BCR: variants seen among roughly 807,000 people sequenced by gnomAD.
The protein encoded by BCR is BCR activator of RhoGEF and GTPase.
BCR carries 58 observed loss-of-function variants against 138.6 expected under a neutral mutation model. The ratio of observed to expected loss-of-function variants is 0.42; its 90% CI spans 0.34 to 0.52. The LOEUF (loss-of-function observed/expected upper bound fraction) is 0.52, where lower values mean the gene tolerates loss of function less well. BCR is among the 20% of genes least tolerant of loss of function. The pLI is 0.06. For missense variants in BCR, 1,599 were observed against 1,727.2 expected, an observed-to-expected ratio of 0.93 and a Z score of 1.32; for synonymous variants, 786 against 730.1, an observed-to-expected ratio of 1.08 and a Z score of -1.23.
Position 23,180,719 on chromosome 22 carries a change from C to T in BCR, c.-242C>T, listed in dbSNP as rs530488003. On this transcript the variant is annotated 5_prime_UTR_variant, in exon 1 of 23. Coordinates refer to ENST00000305877, the MANE Select transcript of BCR (RefSeq NM_004327.4). ...CCGCGCCTCGCCGTGCGGAGGAGCC[C>T]CGCACACAATAGCGGCGCGCGCAGC... The T allele has an allele frequency of 4.0e-5, 6 of 149,460 alleles. No homozygotes were observed. Among genetic ancestry groups the T allele is most frequent in the African/African-American group, 1.5e-4 (6 of 40,880 alleles). The allele number at this position is 149,460 out of a possible 1,614,324, so 9.3% of individuals were successfully genotyped here. A position where few individuals can be genotyped will look rare whatever the true frequency, so the allele number is the denominator to read the frequency against.
At chr22:23,182,614 G>C (rs761868737) in intron 1 of BCR, among the ~76,000 whole-genome samples, 5 of 152,226 alleles carry the variant, frequency 3.3e-5, no homozygotes, top group Non-Finnish European at 7.3e-5. Context: ...ATAAAAGCCG[G>C]AGTCATCTCT....
chr22:23,298,647 G>A (rs1166767631), intron 16 of BCR, among the ~76,000 whole-genome samples: 1 of 151,588 alleles, frequency 6.6e-6, no homozygotes, highest in African/African-American at 2.4e-5. Flanking sequence ...CCAGGCTGGA[G>A]TGCAGCGGTG....
At chr22:23,272,981 G>C (rs1195329127) in intron 6 of BCR, 100 bp from the exon 7 acceptor site, 36 of 1,330,546 alleles carry the variant, frequency 2.7e-5, no homozygotes, top group Non-Finnish European at 3.7e-5. Flanking sequence ...TGTGGAGGCT[G>C]GGGCAGCCCC....
chr22:23,255,321 A>G (rs1477702094), intron 2 of BCR, among the ~76,000 whole-genome samples: 3 of 152,152 alleles, frequency 2.0e-5, no homozygotes, highest in Non-Finnish European at 4.4e-5. Flanking sequence ...GTAGCTTCCT[A>G]TCCCACGTCG....
Position 23,194,606 on chromosome 22 carries a change from G to C in BCR, c.1279+12367G>C, listed in dbSNP as rs568410331. On this transcript the variant is annotated intron_variant, in intron 1 of 22. Coordinates refer to ENST00000305877, the MANE Select transcript of BCR (RefSeq NM_004327.4). ...TTTTTGTATTTTTAGTAGAGACGGG[G>C]TTTCACCGTGTTAGCCAGGATGGTC... Among the ~76,000 whole-genome samples the C allele has an allele frequency of 1.6e-4, 25 of 151,992 alleles. No individual in the cohort carries two copies. The East Asian group carries it at 4.7e-3, about 29-fold the overall frequency.
Position 23,286,302 on chromosome 22 carries a change from C to T in BCR, c.2407-857C>T, listed in dbSNP as rs147061497. Among the ~76,000 whole-genome samples, 259 of 152,286 alleles carry T rather than the reference C, an allele frequency of 1.7e-3. 1 individual carries two copies. Among genetic ancestry groups the T allele is most frequent in the Non-Finnish European group, 1.8e-3 (125 of 68,030 alleles). On this transcript the variant is annotated intron_variant, in intron 10 of 22. Transcript: ENST00000305877. ...CAAAGGTTAGCCAGGCCAGAGGAGG[C>T]GGGTGGCATCAAGGTTAGGCCTGGG... is the stretch of plus-strand genomic sequence containing the variant.
intron 6 of BCR, among the ~76,000 whole-genome samples, chr22:23,272,184 C>G (rs2073517448): frequency 6.6e-6 from 1 of 152,174 alleles, no homozygotes; most frequent in African/African-American, 2.4e-5. Flanking sequence ...CTGTGCAGAG[C>G]ACAGGCTTTA....
intron 2 of BCR, 95 bp from the exon 3 acceptor site, chr22:23,260,855 G>C (rs575527925): frequency 1.3e-5 from 16 of 1,186,342 alleles, no homozygotes; most frequent in African/African-American, 7.5e-5. Context: ...GGTTTGTCCA[G>C]AGGTCAACAA....
intron 1 of BCR, among the ~76,000 whole-genome samples, chr22:23,190,279 C>G (rs577885997): frequency 9.9e-5 from 15 of 152,088 alleles, no homozygotes; most frequent in Non-Finnish European, 4.4e-5. Context: ...GCAATTCTCC[C>G]GCCTCAGCCT....
intron 1 of BCR, among the ~76,000 whole-genome samples, chr22:23,200,555 A>T (rs779457128): frequency 2.5e-4 from 38 of 151,244 alleles, no homozygotes; most frequent in Admixed American, 4.6e-4. Context: ...ACTTTTTTTT[A>T]ATTAAAAAAA....
At chr22:23,300,500 C>T (rs1364128220) in intron 16 of BCR, among the ~76,000 whole-genome samples, 2 of 152,140 alleles carry the variant, frequency 1.3e-5, no homozygotes, top group Non-Finnish European at 2.9e-5. Flanking sequence ...TGCTGTTGTG[C>T]ACATGGACAT....
rs1194049111 is a variant in BCR, at chr22:23,181,588, A to T, written c.628A>T (p.Met210Leu). 1.2e-5 allele frequency: 20 copies of T among 1,612,680 alleles called. No homozygotes were observed. Among genetic ancestry groups the T allele is most frequent in the Non-Finnish European group, 1.7e-5 (20 of 1,179,994 alleles). ...CTCCCTGGGCAGCCAGGCCATGCAG[A>T]TGGAGCGCAAAAAGTCCCAGCACGG... is the stretch of plus-strand genomic sequence containing the variant. ...ISSLGSQAMQMERKKSQHGAG... is the reference protein window; with the variant it reads ...ISSLGSQAMQLERKKSQHGAG... Residue 210 changes from methionine to leucine, a missense_variant, in exon 1 of 23, where the codon ATG becomes TTG. Physicochemically the swap from Met to Leu is conservative, Grantham distance 15. Coordinates refer to ENST00000305877, the MANE Select transcript of BCR (RefSeq NM_004327.4).
At chr22:23,245,038 T>C (rs1464228097) in intron 1 of BCR, among the ~76,000 whole-genome samples, 1 of 152,150 alleles carries the variant, frequency 6.6e-6, no homozygotes, top group African/African-American at 2.4e-5. Context: ...CACACTCGGC[T>C]TGTGGAGGAA....
At chr22:23,313,908 A>T (rs2074035672) in intron 20 of BCR, 60 bp from the exon 21 acceptor site, 5 of 1,376,780 alleles carry the variant, frequency 3.6e-6, no homozygotes, top group Non-Finnish European at 5.2e-6. Flanking sequence ...CCATGTGAAC[A>T]CCTCGGGAGA....
In BCR at chr22:23,261,387, C is replaced by G. The variant is rs764692112; in HGVS notation, c.1599C>G (p.Thr533=). The part of the protein sequence containing the change: ...PMKPLKAAAT[T]SQPVLTSQQI... ...AGCCTTTGAAAGCCGCTGCCACCAC[C>G]TCTCAGCCGGTGCTGACGAGTCAGC... The change falls in exon 4 of 23, where the codon ACC becomes ACG. Residue 533 remains threonine (T), a synonymous_variant. Coordinates refer to ENST00000305877, the MANE Select transcript of BCR (RefSeq NM_004327.4). The G allele has an allele frequency of 1.2e-6, 2 of 1,613,630 alleles. No homozygotes were observed. Among genetic ancestry groups the G allele is most frequent in the Non-Finnish European group, 1.7e-6 (2 of 1,179,866 alleles).
chr22:23,285,114 G>A lies in BCR; in HGVS notation c.2319G>A (p.Val773=). ...AGATGGTGGATGAACTGGAGGCAGT[G>A]CCCAACATCCCCCTGGTGCCCGATG... The part of the protein sequence containing the change: ...SFQMVDELEA[V]PNIPLVPDEE... The change falls in exon 10 of 23, where the codon GTG becomes GTA. Residue 773 remains valine, a synonymous_variant. Coordinates refer to ENST00000305877, the MANE Select transcript of BCR (RefSeq NM_004327.4). 6.2e-7 allele frequency: 1 copy of A among 1,614,094 alleles called. No individual in the cohort carries two copies. The highest frequency in any genetic ancestry group is 8.5e-7 in the Non-Finnish European group (1 of 1,180,016).
chr22:23,263,651 C>CA lies in BCR; in HGVS notation c.1752+2112dup, dbSNP rs2073399727. The CA allele has an allele frequency of 2.7e-6, 4 of 1,463,646 alleles. No homozygotes were observed. The South Asian group carries it at 4.5e-5, about 17-fold the overall frequency. The allele number at this position is 1,463,646 out of a possible 1,614,324, so 90.7% of individuals were successfully genotyped here. On this transcript the variant is annotated intron_variant, in intron 4 of 22. Coordinates refer to ENST00000305877, the MANE Select transcript of BCR (RefSeq NM_004327.4). The stretch of plus-strand genomic sequence containing the variant: ...CTGGCCACCTCGCATATTGTCAGTG[C>CA]AGGAGGAGATGGGAAGATTGGCCTT...
At chr22:23,247,174 A>G (rs975242556) in intron 1 of BCR, among the ~76,000 whole-genome samples, 2 of 152,142 alleles carry the variant, frequency 1.3e-5, no homozygotes, top group African/African-American at 4.8e-5. Flanking sequence ...AGAAGATGGG[A>G]GGCCAAGAGG....
chr22:23,293,623 C>T (rs910445473), intron 15 of BCR, among the ~76,000 whole-genome samples: 1 of 152,072 alleles, frequency 6.6e-6, no homozygotes, highest in Non-Finnish European at 1.5e-5. Flanking sequence ...TGCCACGACC[C>T]AGCAGAGACA....
Sources: gnomAD v4.1 joint callset for allele counts (sites outside exome capture counted in the v4.1 genomes callset) on GRCh38, gnomAD v4.1.1 for gene constraint, MANE v1.5 for transcripts, NCBI Gene and HGNC (gene_info 2026-07-23, HGNC 2026-07-21) for gene names.